The following DAP variants were observed in gnomAD, a reference collection of about 807,000 sequenced individuals.
The protein encoded by DAP is death associated protein.
A neutral mutation model predicts 13.8 loss-of-function variants in DAP; 8 were observed. That is an observed-to-expected ratio of 0.58 (90% CI 0.34 to 1.05). The LOEUF (loss-of-function observed/expected upper bound fraction) is 1.05. Ranked by LOEUF, DAP falls within the 50% of genes least tolerant of loss-of-function variation. The probability of loss-of-function intolerance (pLI) is 0.03; values close to 1 mark genes in which losing one functional copy is unlikely to be tolerated. For missense variants in DAP, 106 were observed against 133.2 expected (o/e 0.80, Z 1.01); for synonymous variants, 47 against 47.5 (o/e 0.99, Z 0.04).
intron 1 of DAP, 33 bp from the exon 2 acceptor site, chr5:10,748,304 T>A: frequency 3.8e-6 from 6 of 1,580,766 alleles, no homozygotes; most frequent in Non-Finnish European, 5.2e-6. Context: ...GGGATTAATG[T>A]GGAAATGGGG....
chr5:10,719,018 C>T (rs536425025), intron 2 of DAP, among the ~76,000 whole-genome samples: 1 of 152,324 alleles, frequency 6.6e-6, no homozygotes, highest in Non-Finnish European at 1.5e-5. Flanking sequence ...AAAACATTTG[C>T]ACGCCAGAGA....
At chr5:10,683,710 T>C (rs5745289) in intron 2 of DAP, 139 bp from the exon 3 acceptor site, 36,982 of 765,384 alleles carry the variant, frequency 0.048, 1,100 homozygotes, top group Non-Finnish European at 0.06. Context: ...CTCTGCGTTA[T>C]TTGTTGTAAT....
chr5:10,708,287 C>T (rs896379492), intron 2 of DAP, among the ~76,000 whole-genome samples: 1 of 151,720 alleles, frequency 6.6e-6, no homozygotes, highest in African/African-American at 2.4e-5. Context: ...GCAGTGGGCA[C>T]AAGTGCACAC....
chr5:10,700,094 G>A (rs1262861191), intron 2 of DAP, among the ~76,000 whole-genome samples: 4 of 152,200 alleles, frequency 2.6e-5, no homozygotes, highest in Non-Finnish European at 5.9e-5. Flanking sequence ...GCCCCTCCGC[G>A]GGCAGGATGT....
At chr5:10,706,558 A>G (rs1738702659) in intron 2 of DAP, among the ~76,000 whole-genome samples, 1 of 152,244 alleles carries the variant, frequency 6.6e-6, no homozygotes, top group Non-Finnish European at 1.5e-5. Context: ...AATTTATTCA[A>G]ATGTTACCTG....
intron 1 of DAP, among the ~76,000 whole-genome samples, chr5:10,759,402 G>A (rs12332143): frequency 0.37 from 56,152 of 151,906 alleles, 10,780 homozygotes; most frequent in East Asian, 0.54. Context: ...CCGCTGTGGT[G>A]GAATGGAAGT....
At chr5:10,703,833 C>A (rs988760539) in intron 2 of DAP, among the ~76,000 whole-genome samples, 1 of 152,208 alleles carries the variant, frequency 6.6e-6, no homozygotes, top group Non-Finnish European at 1.5e-5. Flanking sequence ...TAGAGGACAG[C>A]GCAGGGCGTG....
intron 1 of DAP, among the ~76,000 whole-genome samples, chr5:10,757,972 G>A (rs565452362): frequency 3.9e-5 from 6 of 152,286 alleles, no homozygotes; most frequent in South Asian, 2.1e-4. Flanking sequence ...AGGGGATTGC[G>A]GGGAATGTAC....
chr5:10,684,995 C>G (rs983665935), intron 2 of DAP, among the ~76,000 whole-genome samples: 3 of 152,212 alleles, frequency 2.0e-5, no homozygotes, highest in Non-Finnish European at 2.9e-5. Flanking sequence ...CAGCCTGTCT[C>G]TTCCCAGCTC....
intron 2 of DAP, among the ~76,000 whole-genome samples, chr5:10,719,920 A>C (rs56082127): frequency 0.18 from 27,619 of 152,216 alleles, 2,833 homozygotes; most frequent in East Asian, 0.29. Context: ...CTGCAGCACT[A>C]CAGCCCCTTT....
intron 2 of DAP, 46 bp downstream of exon 2, chr5:10,748,129 T>G (rs762920470): frequency 2.3e-6 from 3 of 1,326,654 alleles, no homozygotes; most frequent in Non-Finnish European, 3.3e-6. Context: ...CTTAACCGAA[T>G]AGGGTTTTTG....
At chr5:10,730,443 C>T (rs1739414059) in intron 2 of DAP, among the ~76,000 whole-genome samples, 1 of 152,024 alleles carries the variant, frequency 6.6e-6, no homozygotes, top group African/African-American at 2.4e-5. Flanking sequence ...ACTGAGAGCC[C>T]TGGTCGAGAA....
chr5:10,732,830 T>C (rs1238419905), intron 2 of DAP, among the ~76,000 whole-genome samples: 1 of 152,234 alleles, frequency 6.6e-6, no homozygotes, highest in Non-Finnish European at 1.5e-5. Context: ...AAACTTACCA[T>C]CTTAACCATT....
chr5:10,681,726 C>T (rs1286211073), intron 3 of DAP, among the ~76,000 whole-genome samples: 9 of 149,260 alleles, frequency 6.0e-5, no homozygotes, highest in South Asian at 2.1e-4. Context: ...AGCCCACCAG[C>T]GTCCCTACAG....
rs5745190 is a variant in DAP, at chr5:10,749,275, C to T, written c.56-1004G>A. 4.5e-4 allele frequency among the ~76,000 whole-genome samples: 69 copies of T among 152,314 alleles called. No individual in the cohort carries two copies. In the East Asian group the frequency reaches 0.011, roughly 25 times the overall value. ...GAACAATGCAGCTGTGAAGAACTTA[C>T]ACGTAAGTTTTTGTATGGACATATG... On this transcript the variant is annotated intron_variant, in intron 1 of 3. Transcript: ENST00000230895.
intron 2 of DAP, among the ~76,000 whole-genome samples, chr5:10,737,353 A>AAC (rs1739638851): frequency 6.8e-6 from 1 of 147,894 alleles, no homozygotes; most frequent in African/African-American, 2.6e-5. Context: ...CTCAAAAAAA[A>AAC]AACAAAAACA....
chr5:10,748,113 TTAATGC>T (rs1454281935), intron 2 of DAP, 56 bp downstream of exon 2: 1 of 1,137,804 alleles, frequency 8.8e-7, no homozygotes, highest in African/African-American at 1.5e-5. Context: ...AGAACAAATG[TTAATGC>T]TTAACCGAAT....
At chr5:10,721,437 A>C (rs1739138355) in intron 2 of DAP, among the ~76,000 whole-genome samples, 1 of 152,298 alleles carries the variant, frequency 6.6e-6, no homozygotes, top group South Asian at 2.1e-4. Context: ...TATTACCTTA[A>C]GTCAACAGGG....
chr5:10,721,063 A>G (rs1739124469), intron 2 of DAP, among the ~76,000 whole-genome samples: 1 of 152,200 alleles, frequency 6.6e-6, no homozygotes, highest in Non-Finnish European at 1.5e-5. Flanking sequence ...AGCTGGATTG[A>G]TAGAACAGTG....
Sources: allele counts gnomAD v4.1 joint callset (sites outside exome capture counted in the v4.1 genomes callset), GRCh38; gene constraint gnomAD v4.1.1; transcripts MANE v1.5; gene names NCBI Gene and HGNC (gene_info 2026-07-23, HGNC 2026-07-21).